The following CHRM3 variants were observed in gnomAD, a reference collection of about 807,000 sequenced individuals.
CHRM3 encodes the protein muscarinic acetylcholine receptor M3.
A neutral mutation model predicts 41.8 loss-of-function variants in CHRM3; 11 were observed. The observed-to-expected ratio is 0.26, with a 90% CI of 0.17 to 0.44. CHRM3 has a LOEUF of 0.44. Among genes scored for constraint, CHRM3 ranks in the 20% least tolerant of loss-of-function variants. The pLI, the probability that CHRM3 is intolerant of heterozygous loss-of-function variation, is 1.00. For synonymous variants in CHRM3, 297 were observed against 301.4 expected (o/e 0.99, Z 0.15); for missense variants, 571 against 745.4 (o/e 0.77, Z 2.72).
chr1:239,629,081 G>T (rs902268952), intron 3 of CHRM3: 2 of 113,000 alleles, frequency 1.8e-5, no homozygotes, highest in African/African-American at 7.2e-5. Context: ...CTGGGCAATG[G>T]CGGGCGCCCC....
chr1:239,836,144 A>G (rs1223597393), intron 6 of CHRM3, among the ~76,000 whole-genome samples: 3 of 152,344 alleles, frequency 2.0e-5, no homozygotes, highest in East Asian at 1.9e-4. Context: ...AAGATTAGTG[A>G]CCAGTTCCCC....
chr1:239,654,534 G>A (rs1672536911), intron 4 of CHRM3, among the ~76,000 whole-genome samples: 1 of 152,170 alleles, frequency 6.6e-6, no homozygotes, highest in Admixed American at 6.5e-5. Flanking sequence ...GAGTAGCTGG[G>A]ACTACAGGCA....
intron 5 of CHRM3, among the ~76,000 whole-genome samples, chr1:239,766,662 T>C (rs1667233993): frequency 6.9e-6 from 1 of 145,550 alleles, no homozygotes; most frequent in Admixed American, 7.3e-5. Flanking sequence ...ATGATAGATA[T>C]GGATATAGAT....
At chr1:239,879,839 C>T (rs1677441237) in intron 6 of CHRM3, among the ~76,000 whole-genome samples, 1 of 152,226 alleles carries the variant, frequency 6.6e-6, no homozygotes, top group Non-Finnish European at 1.5e-5. Flanking sequence ...CCCTCCCCAG[C>T]TACAATGACA....
intron 3 of CHRM3, among the ~76,000 whole-genome samples, chr1:239,631,309 C>T (rs1037237025): frequency 1.3e-5 from 2 of 152,158 alleles, no homozygotes; most frequent in African/African-American, 2.4e-5. Context: ...TCACTAGGCT[C>T]CTCTCTCACT....
At chr1:239,631,628 T>C (rs898450942) in intron 3 of CHRM3, among the ~76,000 whole-genome samples, 1 of 152,210 alleles carries the variant, frequency 6.6e-6, no homozygotes, top group Non-Finnish European at 1.5e-5. Flanking sequence ...GGAGGTACTT[T>C]CCTAAGATTC....
intron 5 of CHRM3, among the ~76,000 whole-genome samples, chr1:239,773,757 T>G (rs1667872284): frequency 6.6e-6 from 1 of 152,208 alleles, no homozygotes; most frequent in South Asian, 2.1e-4. Flanking sequence ...CAATCATGCT[T>G]CAATCCCTAG....
At chr1:239,871,302 T>C (rs1676562224) in intron 6 of CHRM3, among the ~76,000 whole-genome samples, 1 of 152,114 alleles carries the variant, frequency 6.6e-6, no homozygotes, top group Admixed American at 6.5e-5. Flanking sequence ...AATAGAGTGG[T>C]GCGATTTCGG....
At chr1:239,881,485 G>A (rs1677632620) in intron 6 of CHRM3, among the ~76,000 whole-genome samples, 1 of 151,878 alleles carries the variant, frequency 6.6e-6, no homozygotes, top group Non-Finnish European at 1.5e-5. Flanking sequence ...ACATGTACCT[G>A]GGTTATCATT....
At chr1:239,681,969 C>T (rs1658612784) in intron 5 of CHRM3, among the ~76,000 whole-genome samples, 1 of 152,182 alleles carries the variant, frequency 6.6e-6, no homozygotes, top group Non-Finnish European at 1.5e-5. Context: ...AAATTATTTT[C>T]ATCAGCAAAG....
At chr1:239,410,284 T>A (rs1208803622) in intron 1 of CHRM3, among the ~76,000 whole-genome samples, 3 of 152,250 alleles carry the variant, frequency 2.0e-5, no homozygotes, top group African/African-American at 7.2e-5. Flanking sequence ...TCAATGGGAT[T>A]TTTCTCATTA....
chr1:239,713,608 A>G (rs540545585), intron 5 of CHRM3, among the ~76,000 whole-genome samples: 2 of 152,258 alleles, frequency 1.3e-5, no homozygotes, highest in Non-Finnish European at 2.9e-5. Context: ...GCATCCCTCT[A>G]TGTTGGGCTT....
chr1:239,892,420 A>C (rs190957510), intron 6 of CHRM3, among the ~76,000 whole-genome samples: 203 of 152,322 alleles, frequency 1.3e-3, no homozygotes, highest in African/African-American at 4.5e-3. Flanking sequence ...TTTACATTTT[A>C]TGATTTAATC....
At position 239,516,101 on chromosome 1, in the gene CHRM3, T is replaced by G. The variant is rs1004788001; in HGVS notation, c.-422+23294T>G. On this transcript the variant is annotated intron_variant, in intron 2 of 6. Coordinates refer to ENST00000676153, the MANE Select transcript of CHRM3 (RefSeq NM_001375978.1). Reference sequence around the variant, plus strand: ...ATTGCCAGAAAGCTGAGCTTTTTTTTTGTGCTTACTTGCAACAACCATTTG... The same window carrying G: ...ATTGCCAGAAAGCTGAGCTTTTTTTGTGTGCTTACTTGCAACAACCATTTG... 3.7e-4 allele frequency among the ~76,000 whole-genome samples: 56 copies of G among 152,226 alleles called. 1 individual carries two copies. Among genetic ancestry groups the G allele is most frequent in the African/African-American group, 1.3e-3 (54 of 41,464 alleles).
chr1:239,399,394 C>T (rs1203578744), intron 1 of CHRM3, among the ~76,000 whole-genome samples: 2 of 150,172 alleles, frequency 1.3e-5, no homozygotes, highest in Non-Finnish European at 2.9e-5. Flanking sequence ...GCAGTTATCA[C>T]GTGTTAGTTA....
At chr1:239,620,277 G>A (rs1010533898) in intron 3 of CHRM3, among the ~76,000 whole-genome samples, 26 of 152,128 alleles carry the variant, frequency 1.7e-4, no homozygotes, top group Non-Finnish European at 1.0e-4. Flanking sequence ...ATTTTTCAAG[G>A]ATTATCTCCC....
At chr1:239,792,372 G>A (rs994375408) in intron 5 of CHRM3, among the ~76,000 whole-genome samples, 3 of 152,166 alleles carry the variant, frequency 2.0e-5, no homozygotes, top group African/African-American at 7.2e-5. Flanking sequence ...ATCATCAGAA[G>A]CATTTAAGGT....
intron 6 of CHRM3, among the ~76,000 whole-genome samples, chr1:239,870,922 A>G (rs936723483): frequency 1.3e-5 from 2 of 152,088 alleles, no homozygotes; most frequent in Non-Finnish European, 1.5e-5. Flanking sequence ...AGCAGGGATT[A>G]AAAAAACGAT....
intron 3 of CHRM3, among the ~76,000 whole-genome samples, chr1:239,602,457 A>T (rs1035631995): frequency 6.6e-6 from 1 of 152,150 alleles, no homozygotes; most frequent in East Asian, 1.9e-4. Flanking sequence ...TTTAAAGTCC[A>T]TCTTAAACTC....
Sources: gnomAD v4.1 joint callset for allele counts (sites outside exome capture counted in the v4.1 genomes callset) on GRCh38, gnomAD v4.1.1 for gene constraint, MANE v1.5 for transcripts, NCBI Gene and HGNC (gene_info 2026-07-23, HGNC 2026-07-21) for gene names.